PTPRD: variants seen among roughly 807,000 people sequenced by gnomAD.
PTPRD encodes the protein receptor-type tyrosine-protein phosphatase delta.
A neutral mutation model predicts 214.5 loss-of-function variants in PTPRD; 34 were observed. The ratio of observed to expected loss-of-function variants is 0.16; its 90% CI spans 0.12 to 0.21. The LOEUF (loss-of-function observed/expected upper bound fraction) is 0.21, where lower values mean the gene tolerates loss of function less well. Among genes scored for constraint, PTPRD ranks in the 10% least tolerant of loss-of-function variants. The pLI is 1.00. For synonymous variants in PTPRD, 1,128 were observed against 845.7 expected, an observed-to-expected ratio of 1.33 and a Z score of -5.79; for missense variants, 2,545 against 2,398.7, an observed-to-expected ratio of 1.06 and a Z score of -1.27.
At chr9:10,555,587 C>T (rs2062375146) in intron 2 of PTPRD, among the ~76,000 whole-genome samples, 1 of 152,144 alleles carries the variant, frequency 6.6e-6, no homozygotes, top group Admixed American at 6.5e-5. Flanking sequence ...CAGTCTCCTA[C>T]AAAAGGCAAG....
At chr9:9,815,899 A>T (rs895088827) in intron 5 of PTPRD, among the ~76,000 whole-genome samples, 21 of 152,122 alleles carry the variant, frequency 1.4e-4, no homozygotes, top group Non-Finnish European at 4.4e-5. Context: ...TAAGTCCAAG[A>T]TACTAAGTGT....
chr9:10,576,399 A>G (rs950967178), intron 2 of PTPRD, among the ~76,000 whole-genome samples: 9 of 152,100 alleles, frequency 5.9e-5, no homozygotes, highest in African/African-American at 2.2e-4. Context: ...AGAGTTTAAT[A>G]TGTTACCCCT....
chr9:10,244,240 C>G (rs62539729), intron 3 of PTPRD, among the ~76,000 whole-genome samples: 15,166 of 152,028 alleles, frequency 0.1, 999 homozygotes, highest in Non-Finnish European at 0.14. Flanking sequence ...AAACATACAT[C>G]TTCATTATCT....
At chr9:10,004,032 A>G (rs2096403792) in intron 4 of PTPRD, among the ~76,000 whole-genome samples, 1 of 151,962 alleles carries the variant, frequency 6.6e-6, no homozygotes, top group African/African-American at 2.4e-5. Flanking sequence ...ACCCTGGTAC[A>G]CTAACAGTCT....
chr9:10,138,736 G>T (rs546014020), intron 3 of PTPRD, among the ~76,000 whole-genome samples: 1 of 152,090 alleles, frequency 6.6e-6, no homozygotes, highest in African/African-American at 2.4e-5. Flanking sequence ...GGGATGCAAG[G>T]TTGGTTCAAC....
chr9:8,990,539 G>A (rs1488456387), intron 11 of PTPRD, among the ~76,000 whole-genome samples: 1 of 151,952 alleles, frequency 6.6e-6, no homozygotes, highest in East Asian at 1.9e-4. Context: ...CCTGTCCCTG[G>A]CCCCTCATTC....
chr9:8,775,712 G>A (rs1340355641), intron 11 of PTPRD, among the ~76,000 whole-genome samples: 1 of 152,124 alleles, frequency 6.6e-6, no homozygotes, highest in Admixed American at 6.5e-5. Context: ...GGCTGGGCAT[G>A]GTGGCTCACA....
intron 39 of PTPRD, among the ~76,000 whole-genome samples, chr9:8,360,426 G>T (rs1040246642): frequency 6.6e-6 from 1 of 152,152 alleles, no homozygotes; most frequent in Non-Finnish European, 1.5e-5. Flanking sequence ...ATGCATTTGA[G>T]GTTAATGTCA....
At position 9,627,982 on chromosome 9, in the gene PTPRD, A is replaced by T. The variant is rs1297948461; in HGVS notation, c.-286-53201T>A. Reference sequence around the variant, plus strand: ...TAAGTGGCACATCAATGTATTCAAGAAAGTTGGATACTCTTCAACAACTGC... The same window carrying T: ...TAAGTGGCACATCAATGTATTCAAGTAAGTTGGATACTCTTCAACAACTGC... On this transcript the variant is annotated intron_variant, in intron 7 of 45. Coordinates refer to ENST00000381196, the MANE Select transcript of PTPRD (RefSeq NM_002839.4). 6.2e-5 allele frequency among the ~76,000 whole-genome samples: 9 copies of T among 146,128 alleles called. No homozygotes were observed. In the East Asian group the frequency reaches 1.7e-3, roughly 28 times the overall value.
At chr9:10,230,296 G>A (rs2099604202) in intron 3 of PTPRD, among the ~76,000 whole-genome samples, 1 of 151,954 alleles carries the variant, frequency 6.6e-6, no homozygotes, top group South Asian at 2.1e-4. Flanking sequence ...TAAGCCATTC[G>A]ATTTATGGGA....
chr9:9,023,522 T>C (rs7875273), intron 10 of PTPRD, among the ~76,000 whole-genome samples: 63,806 of 151,800 alleles, frequency 0.42, 13,570 homozygotes, highest in South Asian at 0.46. Flanking sequence ...TTACACTTAG[T>C]TGCTTTTATT....
intron 8 of PTPRD, among the ~76,000 whole-genome samples, chr9:9,464,788 T>A (rs1317692491): frequency 1.3e-5 from 2 of 152,182 alleles, no homozygotes; most frequent in African/African-American, 4.8e-5. Context: ...TTAACCATGA[T>A]TATTCCTCCA....
chr9:9,908,819 T>C (rs567775849), intron 5 of PTPRD, among the ~76,000 whole-genome samples: 1 of 152,102 alleles, frequency 6.6e-6, no homozygotes, highest in South Asian at 2.1e-4. Context: ...TAGGCACTCA[T>C]ACAAATGCTA....
At chr9:10,535,386 T>C (rs536071067) in intron 2 of PTPRD, among the ~76,000 whole-genome samples, 7 of 152,138 alleles carry the variant, frequency 4.6e-5, no homozygotes, top group Non-Finnish European at 8.8e-5. Context: ...TATTTTATGA[T>C]TTGGGGCTGA....
At chr9:10,482,173 C>T (rs1319708653) in intron 2 of PTPRD, among the ~76,000 whole-genome samples, 7 of 152,000 alleles carry the variant, frequency 4.6e-5, no homozygotes, top group South Asian at 4.1e-4. Context: ...AGATTGAGAC[C>T]AGCCCGGCTA....
intron 14 of PTPRD, among the ~76,000 whole-genome samples, chr9:8,538,534 A>G (rs2077504250): frequency 6.6e-6 from 1 of 151,412 alleles, no homozygotes; most frequent in South Asian, 2.1e-4. Context: ...AAATGTTATA[A>G]AAAAAAGAAA....
chr9:9,062,313 T>C (rs916482675), intron 10 of PTPRD, among the ~76,000 whole-genome samples: 1 of 152,186 alleles, frequency 6.6e-6, no homozygotes, highest in African/African-American at 2.4e-5. Context: ...TGACACTGCA[T>C]GGACACGACT....
At chr9:9,677,391 C>T (rs1220089835) in intron 7 of PTPRD, among the ~76,000 whole-genome samples, 1 of 152,012 alleles carries the variant, frequency 6.6e-6, no homozygotes, top group African/African-American at 2.4e-5. Flanking sequence ...GGCTTCATCC[C>T]TGGGATGCAA....
chr9:9,628,645 A>C (rs933529427), intron 7 of PTPRD, among the ~76,000 whole-genome samples: 1 of 152,134 alleles, frequency 6.6e-6, no homozygotes, highest in African/African-American at 2.4e-5. Context: ...TTTCTTTAGA[A>C]ATATTGAAAG....
Sources: allele counts gnomAD v4.1 joint callset (sites outside exome capture counted in the v4.1 genomes callset), GRCh38; gene constraint gnomAD v4.1.1; transcripts MANE v1.5; gene names NCBI Gene and HGNC (gene_info 2026-07-23, HGNC 2026-07-21).